DTD1: variants seen among roughly 807,000 people sequenced by gnomAD.
DTD1 encodes the protein D-tyrosyl-tRNA deacylase 1 homolog.
A neutral mutation model predicts 25.6 loss-of-function variants in DTD1; 13 were observed. The observed-to-expected ratio is 0.51, with a 90% CI of 0.33 to 0.81. The LOEUF is 0.81. DTD1 is among the 30% of genes least tolerant of loss of function. The probability of loss-of-function intolerance (pLI) is 0.02; values close to 1 mark genes in which losing one functional copy is unlikely to be tolerated. For missense variants in DTD1, 193 were observed against 266.4 expected, an observed-to-expected ratio of 0.72 and a Z score of 1.92; for synonymous variants, 110 against 103.6, an observed-to-expected ratio of 1.06 and a Z score of -0.37.
chr20:18,647,681 G>A (rs933282957), intron 4 of DTD1, among the ~76,000 whole-genome samples: 1 of 152,146 alleles, frequency 6.6e-6, no homozygotes, highest in African/African-American at 2.4e-5. Context: ...GCCAGATGTG[G>A]CAATGCTGTG....
chr20:18,629,075 C>T (rs1454321799), intron 4 of DTD1, among the ~76,000 whole-genome samples: 1 of 146,560 alleles, frequency 6.8e-6, no homozygotes. Flanking sequence ...TGGCTCACCG[C>T]AACCTCCGCC....
intron 4 of DTD1, among the ~76,000 whole-genome samples, chr20:18,740,366 T>C (rs1479381812): frequency 6.6e-6 from 1 of 152,168 alleles, no homozygotes; most frequent in Non-Finnish European, 1.5e-5. Flanking sequence ...GAAACAAAAC[T>C]GAGAGGGCAT....
intron 4 of DTD1, among the ~76,000 whole-genome samples, chr20:18,637,451 C>T (rs552667251): frequency 1.3e-5 from 2 of 152,282 alleles, no homozygotes; most frequent in East Asian, 3.9e-4. Context: ...GGGGTAATAA[C>T]TTTTTTCCTA....
chr20:18,636,153 T>G (rs1568654213), intron 4 of DTD1, among the ~76,000 whole-genome samples: 1 of 151,144 alleles, frequency 6.6e-6, no homozygotes, highest in East Asian at 1.9e-4. Flanking sequence ...GTGTGTGTGT[T>G]AAAAAAAAAC....
chr20:18,756,590 A>C (rs998561633), intron 5 of DTD1, among the ~76,000 whole-genome samples: 5 of 152,028 alleles, frequency 3.3e-5, no homozygotes, highest in Admixed American at 6.6e-5. Flanking sequence ...AGATGTGTGG[A>C]ATTATTTCTG....
At chr20:18,746,101 C>T (rs1169841490) in intron 5 of DTD1, among the ~76,000 whole-genome samples, 1 of 152,142 alleles carries the variant, frequency 6.6e-6, no homozygotes, top group African/African-American at 2.4e-5. Flanking sequence ...GGGTTGCTGA[C>T]GGTACCTATT....
chr20:18,710,815 A>G (rs1393777357), intron 4 of DTD1, among the ~76,000 whole-genome samples: 1 of 152,118 alleles, frequency 6.6e-6, no homozygotes, highest in South Asian at 2.1e-4. Flanking sequence ...CCAGAGCCAC[A>G]TGCCTCCTGT....
intron 4 of DTD1, among the ~76,000 whole-genome samples, chr20:18,650,282 A>G (rs902250907): frequency 6.6e-6 from 1 of 152,156 alleles, no homozygotes; most frequent in Non-Finnish European, 1.5e-5. Flanking sequence ...CAGTTTCTAC[A>G]TGGCTATAGC....
In DTD1 at chr20:18,763,742, A is replaced by G. The variant is rs989544773; in HGVS notation, c.*402A>G. 1 of 152,326 alleles carries G rather than the reference A, an allele frequency of 6.6e-6. No homozygotes were observed. The highest frequency in any genetic ancestry group is 1.9e-4 in the East Asian group (1 of 5,186). The allele number at this position is 152,326 out of a possible 1,614,324, so 9.4% of individuals were successfully genotyped here. ...GTCCATGGCGGGGGTTCTCCAATAC[A>G]CTCACACTGTCCATGTTCTTTTTAT... On this transcript the variant is annotated 3_prime_UTR_variant, in exon 6 of 6. Transcript: ENST00000377452.
chr20:18,689,924 GCCAA>G (rs1568669974), intron 4 of DTD1, among the ~76,000 whole-genome samples: 769 of 13,112 alleles, frequency 0.059, no homozygotes, highest in Middle Eastern at 0.15. Flanking sequence ...ATTACTTGAG[GCCAA>G]GAGTTAAAGA....
intron 4 of DTD1, among the ~76,000 whole-genome samples, chr20:18,643,983 T>TA (rs1360563566): frequency 6.6e-6 from 1 of 152,192 alleles, no homozygotes; most frequent in Non-Finnish European, 1.5e-5. Context: ...TTTGTGTGTT[T>TA]ACATATGCAG....
At chr20:18,762,208 G>T (rs2061365772) in intron 5 of DTD1, among the ~76,000 whole-genome samples, 2 of 152,208 alleles carry the variant, frequency 1.3e-5, no homozygotes, top group African/African-American at 4.8e-5. Context: ...ATCCATGGAG[G>T]TGGCACTGCC....
chr20:18,690,816 G>A (rs4814775), intron 4 of DTD1, among the ~76,000 whole-genome samples: 1,697 of 152,096 alleles, frequency 0.011, 28 homozygotes, highest in African/African-American at 0.031. Flanking sequence ...GGATTGCTTT[G>A]GCTACTTGGG....
chr20:18,720,981 C>A (rs1044116845), intron 4 of DTD1, among the ~76,000 whole-genome samples: 1 of 152,152 alleles, frequency 6.6e-6, no homozygotes, highest in South Asian at 2.1e-4. Flanking sequence ...AATCTGTGAC[C>A]TGCAGATTCC....
chr20:18,647,559 C>T (rs117205393), intron 4 of DTD1, among the ~76,000 whole-genome samples: 442 of 151,920 alleles, frequency 2.9e-3, no homozygotes, highest in Non-Finnish European at 4.9e-3. Flanking sequence ...GGTGCATGCC[C>T]AGAAGATCAG....
chr20:18,631,153 C>T (rs374607138), intron 4 of DTD1: 3 of 985,390 alleles, frequency 3.0e-6, no homozygotes, highest in South Asian at 4.7e-5. Flanking sequence ...TCTCTATCCC[C>T]CTTCTGCCAC....
At chr20:18,623,033 G>A (rs1452204235) in intron 3 of DTD1, among the ~76,000 whole-genome samples, 2 of 149,720 alleles carry the variant, frequency 1.3e-5, no homozygotes, top group African/African-American at 2.5e-5. Flanking sequence ...TCCGCCTCCC[G>A]GGTTCAAGCG....
chr20:18,694,562 C>T (rs10485585), intron 4 of DTD1, among the ~76,000 whole-genome samples: 126,181 of 152,076 alleles, frequency 0.83, 53,462 homozygotes, highest in Non-Finnish European at 0.93. Flanking sequence ...AAAACTGGTT[C>T]GGAAGCTAAT....
At chr20:18,632,578 T>C in intron 4 of DTD1, 1 of 985,408 alleles carries the variant, frequency 1.0e-6, no homozygotes, top group Non-Finnish European at 1.2e-6. Flanking sequence ...AACACGTGTT[T>C]CTATCAATTA....
Sources: allele counts gnomAD v4.1 joint callset (sites outside exome capture counted in the v4.1 genomes callset), GRCh38; gene constraint gnomAD v4.1.1; transcripts MANE v1.5; gene names NCBI Gene and HGNC (gene_info 2026-07-23, HGNC 2026-07-21).